The following NLGN1 variants were observed in gnomAD, a reference collection of about 807,000 sequenced individuals.
NLGN1 encodes the protein neuroligin 1, also known as neuroligin-1.
A neutral mutation model predicts 65.5 loss-of-function variants in NLGN1; 12 were observed. That is an observed-to-expected ratio of 0.18 (90% CI 0.12 to 0.30). The LOEUF is 0.30. Ranked by LOEUF, NLGN1 falls within the 10% of genes least tolerant of loss-of-function variation. The pLI is 1.00. For missense variants in NLGN1, 750 were observed against 1,007.1 expected, an observed-to-expected ratio of 0.74 and a Z score of 3.46; for synonymous variants, 350 against 359.5, an observed-to-expected ratio of 0.97 and a Z score of 0.30.
intron 3 of NLGN1, among the ~76,000 whole-genome samples, chr3:173,798,520 T>G (rs552204511): frequency 6.6e-6 from 1 of 152,280 alleles, no homozygotes; most frequent in South Asian, 2.1e-4. Context: ...GCTATGTTGT[T>G]GCATGAATGT....
chr3:173,988,511 T>C lies in NLGN1; in HGVS notation c.646+180679T>C, dbSNP rs546770244. Among the ~76,000 whole-genome samples the C allele has an allele frequency of 6.8e-4, 103 of 152,290 alleles. 1 individual carries two copies. The highest frequency in any genetic ancestry group is 6.8e-3 in the Middle Eastern group (2 of 294). On this transcript the variant is annotated intron_variant, in intron 4 of 6. Transcript: ENST00000457714. Reference sequence around the variant, plus strand: ...CCATTTCAGGATGCATGAAGGAAGATAGCAGGTTGCTCAGACCTTAACAGG... The same window carrying C: ...CCATTTCAGGATGCATGAAGGAAGACAGCAGGTTGCTCAGACCTTAACAGG...
chr3:174,024,162 A>C (rs1264985154), intron 4 of NLGN1, among the ~76,000 whole-genome samples: 3 of 151,662 alleles, frequency 2.0e-5, no homozygotes, highest in Admixed American at 6.6e-5. Context: ...AAAAAAAAAA[A>C]AAAACACGGG....
intron 3 of NLGN1, among the ~76,000 whole-genome samples, chr3:173,646,131 AC>A (rs1434156707): frequency 6.6e-6 from 1 of 152,098 alleles, no homozygotes; most frequent in African/African-American, 2.4e-5. Flanking sequence ...CCACACTCAG[AC>A]ACTTAGGTAG....
chr3:173,826,236 A>T (rs535146478), intron 4 of NLGN1, among the ~76,000 whole-genome samples: 1 of 152,172 alleles, frequency 6.6e-6, no homozygotes, highest in Admixed American at 6.6e-5. Flanking sequence ...CCTCCATGTG[A>T]CATTTCTGTA....
In NLGN1 at chr3:173,422,458, C is replaced by A. The variant is rs180951830; in HGVS notation, c.-389-12552C>A. On this transcript the variant is annotated intron_variant, in intron 1 of 6. Coordinates refer to ENST00000457714, the Ensembl canonical transcript of NLGN1. ...AATAAACATAGAAATATAAATATCA[C>A]TTCGATTTGATTTCCTTTTGGATAT... Among the ~76,000 whole-genome samples, 58 of 152,250 alleles carry A rather than the reference C, an allele frequency of 3.8e-4. No homozygotes were observed. In the East Asian group the frequency reaches 8.7e-3, roughly 23 times the overall value.
At chr3:173,696,335 AAC>A (rs1766215718) in intron 3 of NLGN1, among the ~76,000 whole-genome samples, 1 of 152,272 alleles carries the variant, frequency 6.6e-6, no homozygotes, top group African/African-American at 2.4e-5. Flanking sequence ...TTAGCACTCT[AAC>A]TTCTCCTTGT....
chr3:174,006,579 T>G (rs1724445356), intron 4 of NLGN1, among the ~76,000 whole-genome samples: 1 of 152,172 alleles, frequency 6.6e-6, no homozygotes, highest in Non-Finnish European at 1.5e-5. Flanking sequence ...TTTATTTTAG[T>G]CGCCAACCAA....
chr3:173,687,347 A>C lies in NLGN1; in HGVS notation c.493+82256A>C, dbSNP rs1209953905. 2.0e-5 allele frequency among the ~76,000 whole-genome samples: 3 copies of C among 152,230 alleles called. No individual in the cohort carries two copies. In the East Asian group the frequency reaches 5.8e-4, roughly 29 times the overall value. The stretch of plus-strand genomic sequence containing the variant: ...GTAATTTTAAAATGATATAGACCTT[A>C]TTATGTACATGCGTGGGTATGGCTT... On this transcript the variant is annotated intron_variant, in intron 3 of 6. Transcript: ENST00000457714.
At chr3:173,614,586 T>C (rs1243754632) in intron 3 of NLGN1, among the ~76,000 whole-genome samples, 1 of 152,080 alleles carries the variant, frequency 6.6e-6, no homozygotes, top group Non-Finnish European at 1.5e-5. Context: ...AACTGATATG[T>C]TGCTTTGGCA....
chr3:173,553,834 C>CT (rs1741280006), intron 2 of NLGN1, among the ~76,000 whole-genome samples: 1 of 152,116 alleles, frequency 6.6e-6, no homozygotes, highest in African/African-American at 2.4e-5. Flanking sequence ...TTTGTGAAGA[C>CT]TTGGAAAGTT....
intron 2 of NLGN1, among the ~76,000 whole-genome samples, chr3:173,537,464 GAAA>G (rs1176613051): frequency 6.7e-6 from 1 of 150,110 alleles, no homozygotes; most frequent in East Asian, 2.0e-4. Flanking sequence ...AAGAAGGGAA[GAAA>G]AAAAGGTATT....
intron 2 of NLGN1, among the ~76,000 whole-genome samples, chr3:173,506,818 A>G (rs961144294): frequency 2.6e-5 from 4 of 152,158 alleles, no homozygotes; most frequent in East Asian, 3.8e-4. Flanking sequence ...GCATTATGCT[A>G]TATTTTCAGT....
At chr3:173,396,889 G>A (rs1346308244), upstream of NLGN1, among the ~76,000 whole-genome samples, 3 of 152,016 alleles carry the variant, frequency 2.0e-5, no homozygotes, top group Non-Finnish European at 2.9e-5. Flanking sequence ...AGGTATAATC[G>A]TCTATTTGAG....
At chr3:174,275,792 G>A (rs1750438730) in intron 5 of NLGN1, among the ~76,000 whole-genome samples, 1 of 151,856 alleles carries the variant, frequency 6.6e-6, no homozygotes, top group Non-Finnish European at 1.5e-5. Flanking sequence ...TTCCTTTAAA[G>A]GGTGATTTGA....
At chr3:174,173,032 T>A (rs1442130877) in intron 4 of NLGN1, among the ~76,000 whole-genome samples, 1 of 150,530 alleles carries the variant, frequency 6.6e-6, no homozygotes, top group Non-Finnish European at 1.5e-5. Flanking sequence ...TAGAGATCTA[T>A]CACTTTTGGG....
intron 4 of NLGN1, among the ~76,000 whole-genome samples, chr3:173,820,865 G>A (rs950642245): frequency 8.5e-5 from 13 of 152,106 alleles, no homozygotes; most frequent in African/African-American, 2.7e-4. Context: ...AACTTTTTGA[G>A]GCTCAGCTTA....
At position 173,530,151 on chromosome 3, in the gene NLGN1, C is replaced by G. The variant is rs185119850; in HGVS notation, c.-320-74128C>G. 2.6e-5 allele frequency among the ~76,000 whole-genome samples: 4 copies of G among 152,224 alleles called. No homozygotes were observed. In the East Asian group the frequency reaches 7.7e-4, roughly 29 times the overall value. On this transcript the variant is annotated intron_variant, in intron 2 of 6. Transcript: ENST00000457714. Reference sequence around the variant, plus strand: ...TGTATTTTTAGTAGAGACAAGGTTTCACCATGTTGGCCAGGCTAGTTTTGA... The same window carrying G: ...TGTATTTTTAGTAGAGACAAGGTTTGACCATGTTGGCCAGGCTAGTTTTGA...
chr3:174,196,261 A>T (rs1003468660), intron 4 of NLGN1, among the ~76,000 whole-genome samples: 6 of 152,160 alleles, frequency 3.9e-5, no homozygotes, highest in Admixed American at 6.5e-5. Flanking sequence ...AAACTGACAT[A>T]AATTTATAGT....
intron 4 of NLGN1, among the ~76,000 whole-genome samples, chr3:174,189,138 G>A (rs1731928713): frequency 6.6e-6 from 1 of 151,902 alleles, no homozygotes; most frequent in African/African-American, 2.4e-5. Flanking sequence ...TGAACCTTTG[G>A]ACCATTTAGC....
Sources: allele counts gnomAD v4.1 joint callset (sites outside exome capture counted in the v4.1 genomes callset), GRCh38; gene constraint gnomAD v4.1.1; transcripts MANE v1.5; gene names NCBI Gene and HGNC (gene_info 2026-07-23, HGNC 2026-07-21).